HOTAIR: variants seen among roughly 807,000 people sequenced by gnomAD.
HOTAIR encodes the protein HOX transcript antisense RNA.
At position 53,973,550 on chromosome 12, in the gene HOTAIR, G is replaced by A. The variant is rs1281899707; in HGVS notation, n.59+1348C>T. The A allele has an allele frequency of 2.5e-6, 4 of 1,613,170 alleles. No homozygotes were observed. The highest frequency in any genetic ancestry group is 1.3e-5 in the African/African-American group (1 of 74,884). ...CGGCCGACGAGCTTATGCACCGGGA[G>A]TGCCTGCCTCCTTCCACCGTCACCG... On this transcript the variant is annotated intron_variant and non_coding_transcript_variant, in intron 1 of 6. Coordinates refer to ENST00000424518, the Ensembl canonical transcript of HOTAIR. The surrounding 1 kb of genome is among the most constrained non-coding windows in gnomAD (Gnocchi z 4.3).
exon 7 of HOTAIR, chr12:53,963,579 G>A (rs1277448355): frequency 6.6e-6 from 1 of 152,306 alleles, no homozygotes; most frequent in African/African-American, 2.4e-5. Context: ...CAATTAATTA[G>A]CGCCTCCCAG....
chr12:53,968,357 T>C (rs1939091214), intron 2 of HOTAIR: 1 of 152,236 alleles, frequency 6.6e-6, no homozygotes, highest in African/African-American at 2.4e-5. Context: ...CCATGTCTCC[T>C]GAGCCTCGCT....
intron 2 of HOTAIR, chr12:53,968,203 T>C (rs1443126667): frequency 6.6e-6 from 1 of 152,178 alleles, no homozygotes; most frequent in Non-Finnish European, 1.5e-5. Flanking sequence ...TTCCCTACCT[T>C]GGGCCTCCAC....
rs745841501 is a variant in HOTAIR, at chr12:53,973,357, A to G, written n.59+1541T>C. The stretch of plus-strand genomic sequence containing the variant: ...AACCTCTATCTGCCCAGTTGCACTT[A>G]CTACATGCCCGAGTTCTCCACGGTC... On this transcript the variant is annotated intron_variant and non_coding_transcript_variant, in intron 1 of 6. Transcript: ENST00000424518. The surrounding 1 kb of genome is among the most constrained non-coding windows in gnomAD (Gnocchi z 4.3). 3.1e-6 allele frequency: 5 copies of G among 1,612,248 alleles called. No individual in the cohort carries two copies. The South Asian group carries it at 4.4e-5, about 14-fold the overall frequency.
chr12:53,973,046 C>G lies in HOTAIR; in HGVS notation n.59+1852G>C. On this transcript the variant is annotated intron_variant and non_coding_transcript_variant, in intron 1 of 6. Coordinates refer to ENST00000424518, the Ensembl canonical transcript of HOTAIR. The surrounding 1 kb of genome is among the most constrained non-coding windows in gnomAD (Gnocchi z 4.3). ...TGCAAACCAATCGCCTGAACGTCCC[C>G]GATCTTACCTAAGAGAGAACCCCTC... The G allele has an allele frequency of 2.0e-6, 1 of 498,086 alleles. No individual in the cohort carries two copies. Among genetic ancestry groups the G allele is most frequent in the Non-Finnish European group, 3.5e-6 (1 of 284,734 alleles). The allele number at this position is 498,086 out of a possible 1,614,324, so 30.9% of individuals were successfully genotyped here.
At position 53,973,227 on chromosome 12, in the gene HOTAIR, C is replaced by T. The variant is rs754972917; in HGVS notation, n.59+1671G>A. On this transcript the variant is annotated intron_variant and non_coding_transcript_variant, in intron 1 of 6. Transcript: ENST00000424518. This position sits in a 1 kb window ranked among gnomAD's most constrained non-coding sequence, Gnocchi z 4.3. ...GTCCAAAACCTCCATCCGGAGCCGG[C>T]AGGAGAGGAGAACGATGTTTAACTC... 30 of 1,544,074 alleles carry T rather than the reference C, an allele frequency of 1.9e-5. No individual in the cohort carries two copies. In the South Asian group the frequency reaches 2.8e-4, roughly 14 times the overall value.
At chr12:53,972,445 T>C (rs2136374719) in intron 1 of HOTAIR, among the ~76,000 whole-genome samples, 1 of 152,310 alleles carries the variant, frequency 6.6e-6, no homozygotes, top group South Asian at 2.1e-4. Flanking sequence ...TGCTCACCAC[T>C]CGTTTATGAC....
chr12:53,965,222 C>T (rs1337340328), intron 5 of HOTAIR, among the ~76,000 whole-genome samples: 49 of 152,200 alleles, frequency 3.2e-4, no homozygotes, highest in Admixed American at 3.2e-3. Context: ...AAGGGTGAAC[C>T]ACAATTTGGT....
chr12:53,963,779 C>G (rs1017039103), exon 7 of HOTAIR: 3 of 152,230 alleles, frequency 2.0e-5, no homozygotes, highest in Admixed American at 2.0e-4. Context: ...GAGCCGGGTG[C>G]TGCCCCGGCA....
At chr12:53,974,880 G>A (rs1364772969) in intron 1 of HOTAIR, 1 of 313,992 alleles carries the variant, frequency 3.2e-6, no homozygotes, top group Non-Finnish European at 5.8e-6. Flanking sequence ...CAGGGGGCCC[G>A]AGGGGACGCA....
chr12:53,967,482 C>T (rs189662859), intron 2 of HOTAIR: 7 of 152,278 alleles, frequency 4.6e-5, no homozygotes, highest in Admixed American at 1.3e-4. Flanking sequence ...CAGCTCTGAC[C>T]CCAAGATCTA....
In HOTAIR at chr12:53,973,790, A is replaced by AC; in HGVS notation, n.59+1107dup. The AC allele has an allele frequency of 6.3e-7, 1 of 1,596,326 alleles. No homozygotes were observed. Among genetic ancestry groups the AC allele is most frequent in the Non-Finnish European group, 8.5e-7 (1 of 1,172,780 alleles). On this transcript the variant is annotated intron_variant and non_coding_transcript_variant, in intron 1 of 6. Coordinates refer to ENST00000424518, the Ensembl canonical transcript of HOTAIR. This position sits in a 1 kb window ranked among gnomAD's most constrained non-coding sequence, Gnocchi z 4.3. ...GCGAGGCCAAGGGGGAGCCCGAGGCACCCCCGGCCTCGGGACTGGCGTCCC... is the reference window on the plus strand; with the variant it reads ...GCGAGGCCAAGGGGGAGCCCGAGGCACCCCCCGGCCTCGGGACTGGCGTCCC...
chr12:53,966,255 C>G (rs1939051135), intron 4 of HOTAIR: 1 of 150,758 alleles, frequency 6.6e-6, no homozygotes, highest in African/African-American at 2.4e-5. Context: ...CTCTTTTTCT[C>G]TATCTCCCAG....
chr12:53,967,583 G>A (rs1939078070), intron 2 of HOTAIR, among the ~76,000 whole-genome samples: 1 of 152,198 alleles, frequency 6.6e-6, no homozygotes, highest in South Asian at 2.1e-4. Context: ...TGGAGGGGTA[G>A]CCGGGAAGCC....
chr12:53,971,589 A>G (rs1290726456), intron 1 of HOTAIR, among the ~76,000 whole-genome samples: 1 of 152,224 alleles, frequency 6.6e-6, no homozygotes, highest in East Asian at 1.9e-4. Flanking sequence ...TATGGATGTA[A>G]AGAGAGTTCG....
Position 53,973,567 on chromosome 12 carries a change from C to T in HOTAIR, n.59+1331G>A. 6.2e-7 allele frequency: 1 copy of T among 1,613,256 alleles called. No individual in the cohort carries two copies. Among genetic ancestry groups the T allele is most frequent in the Non-Finnish European group, 8.5e-7 (1 of 1,180,026 alleles). On this transcript the variant is annotated intron_variant and non_coding_transcript_variant, in intron 1 of 6. Transcript: ENST00000424518. The surrounding 1 kb of genome is among the most constrained non-coding windows in gnomAD (Gnocchi z 4.3). The stretch of plus-strand genomic sequence containing the variant: ...CACCGGGAGTGCCTGCCTCCTTCCA[C>T]CGTCACCGAGATCCTCATGAAAAAC...
intron 1 of HOTAIR, among the ~76,000 whole-genome samples, chr12:53,974,571 C>A (rs1416202789): frequency 6.6e-6 from 1 of 152,136 alleles, no homozygotes; most frequent in Non-Finnish European, 1.5e-5. Flanking sequence ...GACTCCACTG[C>A]GTTCCAGGCG....
At chr12:53,963,283 A>G (rs1449263047) in exon 7 of HOTAIR, 2 of 152,244 alleles carry the variant, frequency 1.3e-5, no homozygotes, top group Admixed American at 6.5e-5. Flanking sequence ...GGCTGGGTCT[A>G]CACAAGTAGC....
intron 1 of HOTAIR, among the ~76,000 whole-genome samples, chr12:53,974,419 C>T (rs1022711498): frequency 1.3e-5 from 2 of 151,890 alleles, no homozygotes; most frequent in Non-Finnish European, 1.5e-5. Flanking sequence ...AACCTGAGAC[C>T]GGAGAGGCAA....
Sources: allele counts gnomAD v4.1 joint callset (sites outside exome capture counted in the v4.1 genomes callset), GRCh38; gene constraint gnomAD v4.1.1; non-coding constraint Gnocchi (gnomAD v3.1); transcripts MANE v1.5; gene names NCBI Gene and HGNC (gene_info 2026-07-23, HGNC 2026-07-21).